Variants in RGS7 observed in about 807,000 individuals in gnomAD.
RGS7 encodes regulator of G protein signaling 7.
A neutral mutation model predicts 81.1 loss-of-function variants in RGS7; 27 were observed. That is an observed-to-expected ratio of 0.33 (90% CI 0.25 to 0.46). The LOEUF is 0.46. Ranked by LOEUF, RGS7 falls within the 20% of genes least tolerant of loss-of-function variation. The probability of loss-of-function intolerance (pLI) is 1.00; values close to 1 mark genes in which losing one functional copy is unlikely to be tolerated. For synonymous variants in RGS7, 208 were observed against 207.7 expected (o/e 1.00, Z -0.01); for missense variants, 396 against 607.4 (o/e 0.65, Z 3.66).
intron 18 of RGS7, among the ~76,000 whole-genome samples, chr1:240,787,568 T>C (rs1368177813): frequency 6.6e-6 from 1 of 152,206 alleles, no homozygotes; most frequent in Non-Finnish European, 1.5e-5. Flanking sequence ...TTCCTTATGG[T>C]ATTTTAATCA....
At chr1:241,013,053 CTTTTTTTTTTTTT>C (rs146066815) in intron 3 of RGS7, among the ~76,000 whole-genome samples, 1 of 80,312 alleles carries the variant, frequency 1.2e-5, no homozygotes, top group Non-Finnish European at 2.4e-5. Context: ...CTGACCCCTC[CTTTTTTTTTTTTT>C]TTTTTTTTTT....
At chr1:240,785,241 T>C (rs1684867297) in intron 18 of RGS7, among the ~76,000 whole-genome samples, 1 of 152,206 alleles carries the variant, frequency 6.6e-6, no homozygotes, top group Non-Finnish European at 1.5e-5. Flanking sequence ...ACCCACGAAG[T>C]GGTTCTTTGG....
rs1437811152 is a variant in RGS7 at position 241,271,907 on chromosome 1, G to A, written c.78+83792C>T. Among the ~76,000 whole-genome samples the A allele has an allele frequency of 1.3e-5, 2 of 151,112 alleles. No homozygotes were observed. The highest frequency in any genetic ancestry group is 4.9e-5 in the African/African-American group (2 of 41,112). On this transcript the variant is annotated intron_variant, in intron 2 of 18. Transcript: ENST00000440928. The surrounding 1 kb of genome is among the most constrained non-coding windows in gnomAD (Gnocchi z 4.6). ...AACGTGTGTGTGTGTGTGTGTGTGT[G>A]TGTGTGTGTGTGTGTGTGTGTGTGT...
intron 4 of RGS7, among the ~76,000 whole-genome samples, chr1:240,954,690 A>T (rs1680075302): frequency 6.6e-6 from 1 of 152,192 alleles, no homozygotes; most frequent in Admixed American, 6.5e-5. Context: ...CATCAGAAAT[A>T]AGGCAAGAGT....
At chr1:241,018,372 A>G (rs536164061) in intron 3 of RGS7, among the ~76,000 whole-genome samples, 13 of 152,104 alleles carry the variant, frequency 8.5e-5, no homozygotes, top group African/African-American at 2.9e-4. Flanking sequence ...ATATCAGGTA[A>G]AAGGGACTCA....
chr1:241,352,781 C>G (rs191478649), intron 2 of RGS7, among the ~76,000 whole-genome samples: 34 of 152,336 alleles, frequency 2.2e-4, no homozygotes, highest in African/African-American at 8.2e-4. Context: ...TGGAGGAACT[C>G]CTGTAATTTG....
At chr1:240,853,558 A>G (rs755283394) in intron 9 of RGS7, among the ~76,000 whole-genome samples, 3 of 152,180 alleles carry the variant, frequency 2.0e-5, no homozygotes, top group African/African-American at 7.2e-5. Context: ...AATTGGTTCA[A>G]TCTGTGAACT....
At chr1:241,183,295 C>A (rs950927162) in intron 2 of RGS7, among the ~76,000 whole-genome samples, 7 of 152,178 alleles carry the variant, frequency 4.6e-5, no homozygotes, top group Non-Finnish European at 2.9e-5. Flanking sequence ...GATTTGGTTG[C>A]GTGCCTATCT....
At chr1:241,330,676 G>A (rs1333618460) in intron 2 of RGS7, among the ~76,000 whole-genome samples, 1 of 152,130 alleles carries the variant, frequency 6.6e-6, no homozygotes, top group Non-Finnish European at 1.5e-5. Context: ...AGCTATATTT[G>A]TTTATGGAAA....
intron 2 of RGS7, among the ~76,000 whole-genome samples, chr1:241,345,971 C>T (rs1030199588): frequency 5.9e-5 from 9 of 152,046 alleles, no homozygotes; most frequent in Non-Finnish European, 1.0e-4. Context: ...GCCGAGATCA[C>T]GCCACTGCAC....
chr1:241,157,557 C>G (rs2069263671), intron 2 of RGS7, among the ~76,000 whole-genome samples: 1 of 152,052 alleles, frequency 6.6e-6, no homozygotes, highest in Non-Finnish European at 1.5e-5. Flanking sequence ...TCCATGCAAC[C>G]TGAATATAGA....
Position 241,279,897 on chromosome 1 carries a change from C to T in RGS7, c.78+75802G>A, listed in dbSNP as rs181725977. 1.1e-3 allele frequency among the ~76,000 whole-genome samples: 170 copies of T among 152,286 alleles called. No individual in the cohort carries two copies. In the Middle Eastern group the frequency reaches 0.014, roughly 12 times the overall value. On this transcript the variant is annotated intron_variant, in intron 2 of 18. Transcript: ENST00000440928. ...GCTGCTGTGTGTATCAACAGTTTAT[C>T]CCTTTTTATAGCTAGTGGTATTCTA... is the stretch of plus-strand genomic sequence containing the variant.
intron 9 of RGS7, among the ~76,000 whole-genome samples, chr1:240,849,655 G>A (rs1278566607): frequency 6.6e-6 from 1 of 152,112 alleles, no homozygotes; most frequent in Non-Finnish European, 1.5e-5. Flanking sequence ...AGATCTGGTT[G>A]TTTAAAAGTG....
chr1:241,321,696 T>G (rs564782131), intron 2 of RGS7, among the ~76,000 whole-genome samples: 1 of 152,304 alleles, frequency 6.6e-6, no homozygotes, highest in East Asian at 1.9e-4. Flanking sequence ...CCTTAAAGAA[T>G]AAACTGCACC....
chr1:240,813,564 C>T (rs1318162633), intron 13 of RGS7, 54 bp downstream of exon 13: 11 of 1,095,378 alleles, frequency 1.0e-5, no homozygotes, highest in Non-Finnish European at 1.3e-5. Flanking sequence ...TCCCATTTCA[C>T]TCAGACCCTG....
chr1:241,050,426 C>G (rs1023525434), intron 3 of RGS7, among the ~76,000 whole-genome samples: 1 of 152,250 alleles, frequency 6.6e-6, no homozygotes, highest in South Asian at 2.1e-4. Flanking sequence ...TCCCAGGTCA[C>G]TATGTTCCAT....
chr1:241,063,905 C>T (rs1321422516), intron 3 of RGS7, among the ~76,000 whole-genome samples: 3 of 152,076 alleles, frequency 2.0e-5, no homozygotes, highest in Non-Finnish European at 2.9e-5. Context: ...CAAATAAAGC[C>T]GGGCGCGGTG....
At chr1:241,286,847 T>C (rs1386655131) in intron 2 of RGS7, among the ~76,000 whole-genome samples, 1 of 152,186 alleles carries the variant, frequency 6.6e-6, no homozygotes, top group Non-Finnish European at 1.5e-5. Flanking sequence ...TTATTCTGTC[T>C]GGTGGCCTAC....
At chr1:240,885,447 C>G (rs3011430) in intron 6 of RGS7, among the ~76,000 whole-genome samples, 114,686 of 152,102 alleles carry the variant, frequency 0.75, 43,525 homozygotes, top group Middle Eastern at 0.83. Context: ...AGACACATGC[C>G]AATGTTCACT....
Sources: gnomAD v4.1 joint callset for allele counts (sites outside exome capture counted in the v4.1 genomes callset) on GRCh38, gnomAD v4.1.1 for gene constraint, Gnocchi (gnomAD v3.1) non-coding constraint, MANE v1.5 for transcripts, NCBI Gene and HGNC (gene_info 2026-07-23, HGNC 2026-07-21) for gene names.